Variants in SEM1 observed in about 807,000 individuals in gnomAD.
SEM1 encodes SEM1 26S proteasome subunit, also known as 26S proteasome complex subunit SEM1.
Under a neutral mutation model 12.7 loss-of-function variants are expected in SEM1, and 3 were observed. The observed-to-expected ratio is 0.24, with a 90% CI of 0.11 to 0.61. The LOEUF is 0.61. Ranked by LOEUF, SEM1 falls within the 20% of genes least tolerant of loss-of-function variation. The pLI is 0.88. For synonymous variants in SEM1, 30 were observed against 27.8 expected, an observed-to-expected ratio of 1.08 and a Z score of -0.25; for missense variants, 59 against 81.3, an observed-to-expected ratio of 0.73 and a Z score of 1.06.
chr7:96,484,386 A>C (rs563809010), intron 3 of SEM1, among the ~76,000 whole-genome samples: 68 of 152,322 alleles, frequency 4.5e-4, no homozygotes, highest in African/African-American at 1.6e-3. Context: ...AAACTATGGC[A>C]TCTCTCTAAC....
intron 1 of SEM1, chr7:96,496,264 TA>T: frequency 6.8e-7 from 1 of 1,460,466 alleles, no homozygotes; most frequent in South Asian, 1.2e-5. Context: ...CATATTGATA[TA>T]ATCCATATCA....
intron 2 of SEM1, among the ~76,000 whole-genome samples, chr7:96,485,838 C>A (rs188466533): frequency 6.6e-6 from 1 of 152,076 alleles, no homozygotes; most frequent in South Asian, 2.1e-4. Context: ...CTACGCCTGG[C>A]CTCCCATCTC....
chr7:96,591,362 T>C (rs1806823886), intron 2 of SEM1, among the ~76,000 whole-genome samples: 1 of 152,228 alleles, frequency 6.6e-6, no homozygotes, highest in Non-Finnish European at 1.5e-5. Context: ...ACCACCAGAA[T>C]GGCGAACTCT....
At chr7:96,494,431 TAAAG>T (rs973336975) in intron 1 of SEM1, among the ~76,000 whole-genome samples, 2 of 148,866 alleles carry the variant, frequency 1.3e-5, no homozygotes, top group African/African-American at 5.0e-5. Context: ...GTCCAGTTAA[TAAAG>T]AGATTTTTTT....
At chr7:96,591,636 C>T (rs1356096522) in intron 2 of SEM1, among the ~76,000 whole-genome samples, 3 of 152,150 alleles carry the variant, frequency 2.0e-5, no homozygotes, top group Non-Finnish European at 4.4e-5. Flanking sequence ...CAGTTTGGGT[C>T]AACACTTTGC....
At chr7:96,595,988 G>GT (rs1449738681) in intron 2 of SEM1, among the ~76,000 whole-genome samples, 1 of 152,208 alleles carries the variant, frequency 6.6e-6, no homozygotes, top group African/African-American at 2.4e-5. Context: ...CAGGCATAGG[G>GT]TGGAGGGGAG....
intron 2 of SEM1, among the ~76,000 whole-genome samples, chr7:96,657,086 A>G (rs772826432): frequency 2.0e-5 from 3 of 152,166 alleles, no homozygotes; most frequent in Non-Finnish European, 4.4e-5. Flanking sequence ...AGTGGCAGTA[A>G]GAAAATTTAA....
downstream of SEM1, among the ~76,000 whole-genome samples, chr7:96,669,579 C>A (rs1028866469): frequency 6.6e-5 from 10 of 152,132 alleles, no homozygotes; most frequent in African/African-American, 2.2e-4. Flanking sequence ...GAACCTTGTT[C>A]CAGGCTGATA....
At chr7:96,621,953 G>T (rs1807905828), downstream of SEM1, 1 of 152,286 alleles carries the variant, frequency 6.6e-6, no homozygotes, top group South Asian at 2.1e-4. Context: ...CAGCATAGCT[G>T]TTAGTGGCAA....
intron 2 of SEM1, among the ~76,000 whole-genome samples, chr7:96,577,088 A>G (rs201386620): frequency 1.3e-5 from 2 of 148,898 alleles, no homozygotes; most frequent in Non-Finnish European, 3.0e-5. Flanking sequence ...CTGCACTCCA[A>G]CCTGGGCAAC....
chr7:96,629,216 T>C (rs1808168317), intron 2 of SEM1, among the ~76,000 whole-genome samples: 1 of 152,110 alleles, frequency 6.6e-6, no homozygotes, highest in African/African-American at 2.4e-5. Context: ...TATTATCCCT[T>C]TGAATAAACT....
chr7:96,482,672 T>C (rs1032723696), exon 4 of SEM1: 1 of 152,182 alleles, frequency 6.6e-6, no homozygotes, highest in African/African-American at 2.4e-5. Flanking sequence ...GGGCAAATGT[T>C]TCCCGGTCAT....
chr7:96,518,773 T>C (rs1804176973), intron 2 of SEM1, among the ~76,000 whole-genome samples: 1 of 152,164 alleles, frequency 6.6e-6, no homozygotes, highest in African/African-American at 2.4e-5. Context: ...ATGTTTTATA[T>C]CATCCCCCCA....
At chr7:96,507,868 A>C in intron 2 of SEM1, among the ~76,000 whole-genome samples, 1 of 152,024 alleles carries the variant, frequency 6.6e-6, no homozygotes, top group East Asian at 1.9e-4. Flanking sequence ...TCTGCTGACT[A>C]CCTACTTGAT....
chr7:96,539,442 T>G (rs1804882766), intron 2 of SEM1, among the ~76,000 whole-genome samples: 1 of 151,764 alleles, frequency 6.6e-6, no homozygotes, highest in Admixed American at 6.6e-5. Flanking sequence ...AATTATAAAT[T>G]TATCCACTCA....
downstream of SEM1, among the ~76,000 whole-genome samples, chr7:96,620,978 C>T (rs1292640050): frequency 6.6e-6 from 1 of 152,154 alleles, no homozygotes; most frequent in South Asian, 2.1e-4. Flanking sequence ...TGTCACTCCA[C>T]ATGTCATCAT....
chr7:96,519,437 G>A (rs1262972878), intron 2 of SEM1, among the ~76,000 whole-genome samples: 1 of 152,078 alleles, frequency 6.6e-6, no homozygotes, highest in East Asian at 1.9e-4. Context: ...ATTTTAGGAG[G>A]GGATACATAC....
chr7:96,482,362 G>A (rs1334491709), exon 4 of SEM1: 1 of 152,174 alleles, frequency 6.6e-6, no homozygotes, highest in Non-Finnish European at 1.5e-5. Context: ...ATTGTGGTAT[G>A]TGGAGCCCTC....
chr7:96,619,947 A>G (rs976539836), downstream of SEM1, among the ~76,000 whole-genome samples: 1 of 152,152 alleles, frequency 6.6e-6, no homozygotes, highest in African/African-American at 2.4e-5. Context: ...CAGTGAGGGC[A>G]GTGAGGCCCC....
Sources: gnomAD v4.1 joint callset for allele counts (sites outside exome capture counted in the v4.1 genomes callset) on GRCh38, gnomAD v4.1.1 for gene constraint, MANE v1.5 for transcripts, NCBI Gene and HGNC (gene_info 2026-07-23, HGNC 2026-07-21) for gene names.